KLHL1: variants seen among roughly 807,000 people sequenced by gnomAD.
KLHL1 encodes kelch like family member 1.
A neutral mutation model predicts 77.7 loss-of-function variants in KLHL1; 47 were observed. That is an observed-to-expected ratio of 0.60 (90% confidence interval 0.48 to 0.77). KLHL1 has a LOEUF of 0.77. KLHL1 is among the 30% of genes least tolerant of loss of function. The pLI, the probability that KLHL1 is intolerant of heterozygous loss-of-function variation, is 0.00. For missense variants in KLHL1, 925 were observed against 910.8 expected, an observed-to-expected ratio of 1.02 and a Z score of -0.20; for synonymous variants, 360 against 325.2, an observed-to-expected ratio of 1.11 and a Z score of -1.15.
chr13:69,796,902 A>G lies in KLHL1; in HGVS notation c.1475T>C (p.Met492Thr), dbSNP rs772166305. 1.2e-6 allele frequency: 2 copies of G among 1,614,040 alleles called. No homozygotes were observed. Among genetic ancestry groups the G allele is most frequent in the African/African-American group, 1.3e-5 (1 of 74,910 alleles). The change falls in exon 7 of 11, where the codon ATG (methionine) becomes ACG (threonine). Residue 492 changes from methionine to threonine, a missense_variant. Physicochemically the swap from Met to Thr is moderately conservative, Grantham distance 81. Transcript: ENST00000377844. ...ACCAAACTGCAGCCTTCTGCCATTC[A>G]TCATCCCTGCCTGGATCCACAGATT... ...RTNLWIQAGM[M>T]NGRRLQFGVA... is the part of the protein sequence containing the mutation.
At chr13:69,812,606 T>C (rs998112606) in intron 6 of KLHL1, among the ~76,000 whole-genome samples, 2 of 151,680 alleles carry the variant, frequency 1.3e-5, no homozygotes, top group South Asian at 2.1e-4. Context: ...GAATCTACAA[T>C]GAACTCAAAT....
chr13:69,945,721 C>T (rs1268621421), intron 3 of KLHL1, among the ~76,000 whole-genome samples: 1 of 152,112 alleles, frequency 6.6e-6, no homozygotes, highest in African/African-American at 2.4e-5. Flanking sequence ...GCCACAACAC[C>T]TCTATTAGAA....
At chr13:70,019,503 G>A (rs184209916) in intron 1 of KLHL1, among the ~76,000 whole-genome samples, 1 of 152,116 alleles carries the variant, frequency 6.6e-6, no homozygotes, top group East Asian at 1.9e-4. Context: ...CAGAGGCTTT[G>A]GTCAAAGAAC....
chr13:69,930,511 GAATA>G (rs1882966342), intron 4 of KLHL1, among the ~76,000 whole-genome samples: 1 of 151,752 alleles, frequency 6.6e-6, no homozygotes, highest in South Asian at 2.1e-4. Flanking sequence ...TAGTCTTGCT[GAATA>G]ATTAAGAAAA....
chr13:70,027,126 G>T (rs1008915646), intron 1 of KLHL1, among the ~76,000 whole-genome samples: 4 of 152,028 alleles, frequency 2.6e-5, no homozygotes, highest in African/African-American at 9.7e-5. Context: ...AATGAGAATA[G>T]AATGATTTAG....
At chr13:69,984,844 C>T (rs544123181) in intron 1 of KLHL1, among the ~76,000 whole-genome samples, 2 of 152,204 alleles carry the variant, frequency 1.3e-5, no homozygotes, top group South Asian at 2.1e-4. Context: ...CGTGGTGGCT[C>T]ACACCTGTAA....
At chr13:69,725,262 G>A (rs1386591351) in intron 8 of KLHL1, among the ~76,000 whole-genome samples, 1 of 152,146 alleles carries the variant, frequency 6.6e-6, no homozygotes, top group Non-Finnish European at 1.5e-5. Flanking sequence ...GGAAAATATG[G>A]AGTAATGCTA....
chr13:69,920,131 T>A (rs551373830), intron 4 of KLHL1, among the ~76,000 whole-genome samples: 30 of 152,178 alleles, frequency 2.0e-4, no homozygotes, highest in African/African-American at 6.7e-4. Flanking sequence ...CAAATATAGA[T>A]AAAATTTGTT....
chr13:70,107,536 C>T lies in KLHL1; in HGVS notation c.164G>A (p.Arg55His), dbSNP rs775643172. 2.7e-5 allele frequency: 44 copies of T among 1,609,764 alleles called. No individual in the cohort carries two copies. In the Admixed American group the frequency reaches 6.9e-4, roughly 25 times the overall value. Residue 55 changes from arginine (R) to histidine (H), a missense_variant, in exon 1 of 11, where the codon CGC becomes CAC. By Grantham distance (29) the Arg-to-His change is conservative (BLOSUM62 0). Transcript: ENST00000377844. ...SFEHWGPSQS[R>H]LLKSQERSGV... ...GCTTCTCTCTTGGCTTTTGAGCAGG[C>T]GACTCTGGCTGGGTCCCCAGTGCTC...
intron 7 of KLHL1, among the ~76,000 whole-genome samples, chr13:69,765,773 A>G (rs141412100): frequency 5.3e-5 from 8 of 152,206 alleles, no homozygotes; most frequent in Non-Finnish European, 1.2e-4. Flanking sequence ...GCAACCACCC[A>G]GGCAATGCTA....
chr13:69,966,463 G>C (rs113703162), intron 2 of KLHL1, among the ~76,000 whole-genome samples: 1 of 152,088 alleles, frequency 6.6e-6, no homozygotes, highest in South Asian at 2.1e-4. Flanking sequence ...CAATGTTCCT[G>C]GTTGCTCAAG....
intron 8 of KLHL1, among the ~76,000 whole-genome samples, chr13:69,732,001 T>C (rs903805001): frequency 9.2e-5 from 14 of 152,128 alleles, no homozygotes; most frequent in African/African-American, 3.4e-4. Context: ...TTAAAGATGA[T>C]AAAGACTTGA....
chr13:69,808,602 C>T (rs1017660891), intron 6 of KLHL1, among the ~76,000 whole-genome samples: 5 of 151,888 alleles, frequency 3.3e-5, no homozygotes, highest in South Asian at 2.1e-4. Context: ...AAAAGAAATA[C>T]AAAGTGTCAG....
At chr13:69,790,455 A>G (rs1876815563) in intron 7 of KLHL1, among the ~76,000 whole-genome samples, 1 of 152,186 alleles carries the variant, frequency 6.6e-6, no homozygotes, top group African/African-American at 2.4e-5. Context: ...CATGGTGCCA[A>G]TATTACCTTG....
chr13:69,814,554 G>A lies in KLHL1; in HGVS notation c.1415-17592C>T, dbSNP rs113460291. ...TAAGACACTTAAAAAAAATCAACAA[G>A]TAAAGTTAAAAAGTGGGCAAAGGAC... On this transcript the variant is annotated intron_variant, in intron 6 of 10. Transcript: ENST00000377844. Among the ~76,000 whole-genome samples, 130 of 151,884 alleles carry A rather than the reference G, an allele frequency of 8.6e-4. 1 individual carries two copies. The highest frequency in any genetic ancestry group is 3.0e-3 in the African/African-American group (126 of 41,438).
chr13:69,943,377 A>G (rs1187039761), intron 3 of KLHL1, among the ~76,000 whole-genome samples: 3 of 152,130 alleles, frequency 2.0e-5, no homozygotes, highest in Admixed American at 2.0e-4. Flanking sequence ...CAGTAAAGAA[A>G]TCTAAAGCAT....
chr13:69,724,474 A>G (rs901481911), intron 8 of KLHL1, among the ~76,000 whole-genome samples: 1 of 152,156 alleles, frequency 6.6e-6, no homozygotes, highest in African/African-American at 2.4e-5. Context: ...TGAAGACAGA[A>G]CACTTCTGAA....
At chr13:69,868,922 C>T (rs1237308581) in intron 5 of KLHL1, among the ~76,000 whole-genome samples, 1 of 152,052 alleles carries the variant, frequency 6.6e-6, no homozygotes, top group African/African-American at 2.4e-5. Flanking sequence ...TTCCTGCAAT[C>T]ATAATCCATG....
intron 6 of KLHL1, among the ~76,000 whole-genome samples, chr13:69,826,207 C>T (rs898904512): frequency 1.3e-5 from 2 of 151,972 alleles, no homozygotes; most frequent in African/African-American, 4.8e-5. Flanking sequence ...GGTCAAGGAA[C>T]ACAAAATTTT....
Sources: gnomAD v4.1 joint callset for allele counts (sites outside exome capture counted in the v4.1 genomes callset) on GRCh38, gnomAD v4.1.1 for gene constraint, MANE v1.5 for transcripts, NCBI Gene and HGNC (gene_info 2026-07-23, HGNC 2026-07-21) for gene names.